EPB41: variants seen among roughly 807,000 people sequenced by gnomAD.
EPB41 encodes erythrocyte membrane protein band 4.1.
EPB41 carries 65 observed loss-of-function variants against 108.0 expected under a neutral mutation model. That is an observed-to-expected ratio of 0.60 (90% CI 0.49 to 0.74). The LOEUF (loss-of-function observed/expected upper bound fraction) is 0.74, where lower values mean the gene tolerates loss of function less well. Among genes scored for constraint, EPB41 ranks in the 30% least tolerant of loss-of-function variants. The pLI is 0.00. For missense variants in EPB41, 875 were observed against 1,037.0 expected (o/e 0.84, Z 2.15); for synonymous variants, 336 against 358.9 (o/e 0.94, Z 0.72).
chr1:29,003,370 ACAGT>A (rs1352543388), intron 4 of EPB41, among the ~76,000 whole-genome samples: 1 of 152,220 alleles, frequency 6.6e-6, no homozygotes, highest in Non-Finnish European at 1.5e-5. Flanking sequence ...CTCTAGTTGC[ACAGT>A]CAGTTTACTC....
At chr1:28,920,721 C>A (rs1010559329) in intron 1 of EPB41, among the ~76,000 whole-genome samples, 43 of 152,110 alleles carry the variant, frequency 2.8e-4, no homozygotes, top group African/African-American at 8.2e-4. Flanking sequence ...CTCATTACAG[C>A]CTCAACTTCC....
chr1:29,082,652 C>T (rs533932337), intron 16 of EPB41, among the ~76,000 whole-genome samples: 1 of 152,300 alleles, frequency 6.6e-6, no homozygotes, highest in African/African-American at 2.4e-5. Context: ...CGCTTCTGGT[C>T]TGTTAGACAT....
At chr1:28,926,279 A>T (rs143401534) in intron 1 of EPB41, among the ~76,000 whole-genome samples, 19 of 152,260 alleles carry the variant, frequency 1.2e-4, no homozygotes, top group Non-Finnish European at 2.2e-4. Context: ...TCATTCTGTA[A>T]TGTAGGTATG....
rs566265474 is a variant in EPB41, at chr1:28,984,264, T to A, written c.-7-3167T>A. Among the ~76,000 whole-genome samples the A allele has an allele frequency of 2.0e-5, 3 of 152,294 alleles. No homozygotes were observed. In the South Asian group the frequency reaches 6.2e-4, roughly 32 times the overall value. On this transcript the variant is annotated intron_variant, in intron 1 of 20. Transcript: ENST00000343067. ...CCAGTGGGAAAACAGGGATATAAAG[T>A]CTCACTTTGGGCTGCAGTCTCATGC... is the stretch of plus-strand genomic sequence containing the variant.
chr1:28,902,376 T>C, intron 1 of EPB41: 11 of 985,398 alleles, frequency 1.1e-5, no homozygotes, highest in Non-Finnish European at 1.3e-5. Context: ...CAATGGTTAT[T>C]ATGTCATTAT....
At chr1:28,890,793 G>T in intron 1 of EPB41, 1 of 422,534 alleles carries the variant, frequency 2.4e-6, no homozygotes, top group Non-Finnish European at 3.2e-6. Context: ...AAGCTGGGAA[G>T]TGGCCGAGCT....
chr1:29,052,969 C>T, intron 11 of EPB41, 135 bp from the exon 12 acceptor site: 1 of 944,410 alleles, frequency 1.1e-6, no homozygotes, highest in Non-Finnish European at 1.7e-6. Context: ...TATTTTTTAC[C>T]CTCTGTGTGA....
intron 1 of EPB41, chr1:28,902,452 G>T: frequency 2.2e-6 from 2 of 907,358 alleles, no homozygotes; most frequent in Non-Finnish European, 2.6e-6. Flanking sequence ...ATAGCAGAGA[G>T]CTGTGCTAGA....
Position 29,119,581 on chromosome 1 carries a change from A to G in EPB41, c.*2769A>G, listed in dbSNP as rs1671545566. ...GGGACCCGTCAGGGCCCCGTGACCC[A>G]TCCCCGTCCCCACCCCCCCCTCCAC... On this transcript the variant is annotated 3_prime_UTR_variant, in exon 21 of 21. Transcript: ENST00000343067. The G allele has an allele frequency of 6.6e-6, 1 of 151,716 alleles. No homozygotes were observed. The highest frequency in any genetic ancestry group is 2.1e-4 in the South Asian group (1 of 4,804). The allele number at this position is 151,716 out of a possible 1,614,324, so 9.4% of individuals were successfully genotyped here.
chr1:28,997,693 T>C (rs1274795324), intron 4 of EPB41, among the ~76,000 whole-genome samples: 6 of 151,870 alleles, frequency 4.0e-5, no homozygotes, highest in Admixed American at 3.9e-4. Flanking sequence ...GATCTGTTAT[T>C]AATATTATAA....
At chr1:28,958,615 C>A (rs1460397425) in intron 1 of EPB41, among the ~76,000 whole-genome samples, 1 of 151,672 alleles carries the variant, frequency 6.6e-6, no homozygotes, top group African/African-American at 2.4e-5. Flanking sequence ...AGTTTGAAAC[C>A]AAGCCTGGGC....
intron 2 of EPB41, among the ~76,000 whole-genome samples, chr1:28,992,055 ATAAT>A (rs1290698121): frequency 1.4e-4 from 21 of 152,334 alleles, no homozygotes; most frequent in East Asian, 5.8e-4. Flanking sequence ...GCAAATAAAA[ATAAT>A]TATTTATTGT....
chr1:28,930,778 C>T (rs2093703010), intron 1 of EPB41, among the ~76,000 whole-genome samples: 1 of 152,204 alleles, frequency 6.6e-6, no homozygotes, highest in Admixed American at 6.5e-5. Flanking sequence ...AGCCACCGCA[C>T]CTGGCCCATT....
At chr1:29,037,403 G>A (rs972885096) in intron 10 of EPB41, among the ~76,000 whole-genome samples, 18 of 151,964 alleles carry the variant, frequency 1.2e-4, no homozygotes, top group African/African-American at 4.3e-4. Flanking sequence ...AACCCCTTGA[G>A]TTCGTTTACC....
chr1:28,917,769 G>A (rs1243868656), intron 1 of EPB41, among the ~76,000 whole-genome samples: 2 of 150,992 alleles, frequency 1.3e-5, no homozygotes, highest in East Asian at 2.0e-4. Context: ...TTTAAAACAC[G>A]GGGTCCTGCT....
At chr1:29,081,596 G>A (rs145795661) in intron 16 of EPB41, among the ~76,000 whole-genome samples, 1,773 of 152,292 alleles carry the variant, frequency 0.012, 13 homozygotes, top group Non-Finnish European at 0.017. Context: ...AGTACTTTGG[G>A]AGGCCGAACT....
At chr1:28,896,678 G>A (rs1338045747) in intron 1 of EPB41, among the ~76,000 whole-genome samples, 1 of 152,236 alleles carries the variant, frequency 6.6e-6, no homozygotes, top group African/African-American at 2.4e-5. Flanking sequence ...GAAGAGACAG[G>A]CTCAAGACAA....
At chr1:29,094,233 C>G (rs1206983697) in intron 16 of EPB41, among the ~76,000 whole-genome samples, 1 of 152,018 alleles carries the variant, frequency 6.6e-6, no homozygotes, top group Non-Finnish European at 1.5e-5. Context: ...ACCAGTACAC[C>G]ATGCTGGTGT....
At chr1:29,092,371 C>T (rs1487594434) in intron 16 of EPB41, among the ~76,000 whole-genome samples, 4 of 152,038 alleles carry the variant, frequency 2.6e-5, no homozygotes, top group South Asian at 2.1e-4. Context: ...GGATTACAGG[C>T]GTGAGCCACC....
Sources: gnomAD v4.1 joint callset for allele counts (sites outside exome capture counted in the v4.1 genomes callset) on GRCh38, gnomAD v4.1.1 for gene constraint, MANE v1.5 for transcripts, NCBI Gene and HGNC (gene_info 2026-07-23, HGNC 2026-07-21) for gene names.